DLGAP2: variants seen among roughly 807,000 people sequenced by gnomAD.
The protein encoded by DLGAP2 is disks large-associated protein 2.
Under a neutral mutation model 100.3 loss-of-function variants are expected in DLGAP2, and 26 were observed. The observed-to-expected ratio is 0.26, with a 90% CI of 0.19 to 0.36. DLGAP2 has a LOEUF of 0.36. Among genes scored for constraint, DLGAP2 ranks in the 10% least tolerant of loss-of-function variants. The pLI is 1.00. For synonymous variants in DLGAP2, 886 were observed against 630.1 expected, an observed-to-expected ratio of 1.41 and a Z score of -6.08; for missense variants, 1,858 against 1,453.2, an observed-to-expected ratio of 1.28 and a Z score of -4.53.
At chr8:1,116,605 G>A (rs1213129259) in intron 2 of DLGAP2, among the ~76,000 whole-genome samples, 1 of 152,076 alleles carries the variant, frequency 6.6e-6, no homozygotes, top group South Asian at 2.1e-4. Flanking sequence ...AGACCAGCCT[G>A]GGCAACTTGG....
chr8:930,629 G>A (rs979967883), intron 2 of DLGAP2, among the ~76,000 whole-genome samples: 2 of 152,210 alleles, frequency 1.3e-5, no homozygotes, highest in African/African-American at 2.4e-5. Context: ...TGGGCTTGCC[G>A]CCACGTTGGG....
chr8:1,104,885 C>G (rs937804976), intron 2 of DLGAP2: 2 of 152,260 alleles, frequency 1.3e-5, no homozygotes, highest in East Asian at 3.8e-4. Flanking sequence ...ATCTGCAGGG[C>G]CTCTGAAGAG....
At chr8:1,339,360 C>A (rs1563092696) in intron 3 of DLGAP2, among the ~76,000 whole-genome samples, 1 of 151,898 alleles carries the variant, frequency 6.6e-6, no homozygotes, top group African/African-American at 2.4e-5. Context: ...GGAGGGAATG[C>A]AGTGACTTCA....
intron 2 of DLGAP2, among the ~76,000 whole-genome samples, chr8:1,047,994 G>A (rs1003023301): frequency 3.9e-5 from 6 of 152,218 alleles, no homozygotes; most frequent in African/African-American, 1.2e-4. Flanking sequence ...ACCTTAGACC[G>A]TTAAGGCCTG....
intron 7 of DLGAP2, among the ~76,000 whole-genome samples, chr8:1,628,614 A>G (rs60620667): frequency 2.2e-4 from 29 of 133,552 alleles, no homozygotes; most frequent in African/African-American, 5.9e-4. Flanking sequence ...GTGGAGCAGG[A>G]ATTAAGAGCT....
chr8:1,335,528 G>A (rs966592759), intron 3 of DLGAP2, among the ~76,000 whole-genome samples: 7 of 152,154 alleles, frequency 4.6e-5, no homozygotes, highest in East Asian at 1.9e-4. Flanking sequence ...CCAGAAAGAC[G>A]TGCCAACTGC....
chr8:1,459,450 A>T (rs1252420856), intron 3 of DLGAP2, among the ~76,000 whole-genome samples: 1 of 152,240 alleles, frequency 6.6e-6, no homozygotes, highest in Admixed American at 6.5e-5. Context: ...TAATATTGCA[A>T]CTGAGGAATG....
intron 8 of DLGAP2, among the ~76,000 whole-genome samples, chr8:1,666,510 GTC>G (rs1344649920): frequency 4.6e-5 from 7 of 152,028 alleles, no homozygotes; most frequent in Non-Finnish European, 1.0e-4. Context: ...GTGAAACCCT[GTC>G]TCTATTAAAA....
chr8:1,302,821 C>T (rs952722343), intron 3 of DLGAP2, among the ~76,000 whole-genome samples: 1 of 152,276 alleles, frequency 6.6e-6, no homozygotes, highest in Non-Finnish European at 1.5e-5. Flanking sequence ...CCAGGAGGCC[C>T]ACGCCTGACG....
At chr8:1,495,411 C>T (rs929697208) in intron 3 of DLGAP2, among the ~76,000 whole-genome samples, 5 of 152,228 alleles carry the variant, frequency 3.3e-5, no homozygotes, top group African/African-American at 1.2e-4. Flanking sequence ...CTTTCTCTTC[C>T]CCTTCTGCTG....
At chr8:1,142,528 T>C (rs1341918304) in intron 2 of DLGAP2, among the ~76,000 whole-genome samples, 1 of 152,192 alleles carries the variant, frequency 6.6e-6, no homozygotes. Context: ...TTTGTAAAAG[T>C]GCCATAAGAA....
At chr8:1,028,374 G>A (rs1801877219) in intron 2 of DLGAP2, among the ~76,000 whole-genome samples, 1 of 144,506 alleles carries the variant, frequency 6.9e-6, no homozygotes, top group Non-Finnish European at 1.5e-5. Context: ...TGGGGTGTCA[G>A]GCACCCGTTA....
chr8:1,013,322 T>C (rs1801351979), intron 2 of DLGAP2, among the ~76,000 whole-genome samples: 1 of 152,050 alleles, frequency 6.6e-6, no homozygotes, highest in Non-Finnish European at 1.5e-5. Flanking sequence ...TCTCGTAGGT[T>C]GATAAGGAAA....
intron 1 of DLGAP2, among the ~76,000 whole-genome samples, chr8:879,843 A>G (rs1161300318): frequency 6.6e-6 from 1 of 152,174 alleles, no homozygotes; most frequent in Non-Finnish European, 1.5e-5. Context: ...ACTTTATGTG[A>G]GCTCTCATTG....
intron 2 of DLGAP2, among the ~76,000 whole-genome samples, chr8:1,171,559 G>T (rs965781852): frequency 2.0e-5 from 3 of 151,978 alleles, no homozygotes; most frequent in Non-Finnish European, 2.9e-5. Context: ...TTATGAATCT[G>T]GGTGCTCCTG....
chr8:1,366,432 G>A (rs1405017822), intron 3 of DLGAP2, among the ~76,000 whole-genome samples: 1 of 152,198 alleles, frequency 6.6e-6, no homozygotes. Context: ...TGTCCTCAGG[G>A]CAGCAAGAAC....
chr8:1,077,098 T>G (rs1803645588), intron 2 of DLGAP2, among the ~76,000 whole-genome samples: 1 of 152,174 alleles, frequency 6.6e-6, no homozygotes, highest in Non-Finnish European at 1.5e-5. Flanking sequence ...CTGTCAATGT[T>G]TGGGGTTCCG....
chr8:1,666,001 A>G (rs541169098), intron 8 of DLGAP2, among the ~76,000 whole-genome samples: 6 of 152,320 alleles, frequency 3.9e-5, no homozygotes, highest in African/African-American at 1.2e-4. Flanking sequence ...GCGTCATCAG[A>G]AGCAAGTGTT....
At chr8:1,221,280 A>G (rs61323964) in intron 2 of DLGAP2, among the ~76,000 whole-genome samples, 4,637 of 152,252 alleles carry the variant, frequency 0.03, 228 homozygotes, top group African/African-American at 0.099. Context: ...GACCTCTTCG[A>G]AGGCAGGTCT....
Sources: gnomAD v4.1 joint callset for allele counts (sites outside exome capture counted in the v4.1 genomes callset) on GRCh38, gnomAD v4.1.1 for gene constraint, MANE v1.5 for transcripts, NCBI Gene and HGNC (gene_info 2026-07-23, HGNC 2026-07-21) for gene names.